FRMD4A: variants seen among roughly 807,000 people sequenced by gnomAD.
FRMD4A encodes the protein FERM domain-containing protein 4A.
Under a neutral mutation model 129.1 loss-of-function variants are expected in FRMD4A, and 29 were observed. That is an observed-to-expected ratio of 0.22 (90% CI 0.17 to 0.31). The LOEUF (loss-of-function observed/expected upper bound fraction) is 0.31. Among genes scored for constraint, FRMD4A ranks in the 10% least tolerant of loss-of-function variants. FRMD4A has a pLI of 1.00. For synonymous variants in FRMD4A, 634 were observed against 571.6 expected, an observed-to-expected ratio of 1.11 and a Z score of -1.56; for missense variants, 1,272 against 1,375.8, an observed-to-expected ratio of 0.92 and a Z score of 1.19.
chr10:14,284,431 G>A (rs961272975), intron 2 of FRMD4A, among the ~76,000 whole-genome samples: 6 of 152,098 alleles, frequency 3.9e-5, no homozygotes, highest in African/African-American at 1.4e-4. Context: ...GATGGATCAC[G>A]AGATCAGGAC....
At chr10:13,776,234 C>T (rs904639908) in intron 6 of FRMD4A, among the ~76,000 whole-genome samples, 2 of 152,168 alleles carry the variant, frequency 1.3e-5, no homozygotes, top group Non-Finnish European at 2.9e-5. Context: ...CCTCAGCCTC[C>T]AGAGAAGCTG....
intron 2 of FRMD4A, among the ~76,000 whole-genome samples, chr10:14,080,790 C>A (rs775436148): frequency 7.9e-5 from 12 of 151,976 alleles, no homozygotes; most frequent in Admixed American, 5.9e-4. Flanking sequence ...ATCTCTATAC[C>A]TCATGGTGCT....
chr10:13,853,057 T>A (rs2094161382), intron 3 of FRMD4A, among the ~76,000 whole-genome samples: 1 of 152,142 alleles, frequency 6.6e-6, no homozygotes, highest in Non-Finnish European at 1.5e-5. Context: ...GTTGTAAATG[T>A]CTTGCCAATG....
intron 2 of FRMD4A, among the ~76,000 whole-genome samples, chr10:14,060,791 T>C (rs778271575): frequency 1.3e-5 from 2 of 152,182 alleles, no homozygotes; most frequent in Admixed American, 6.5e-5. Flanking sequence ...TGGCCACTTA[T>C]ATAGAGAGGA....
At chr10:14,241,422 T>C (rs1844036624) in intron 2 of FRMD4A, among the ~76,000 whole-genome samples, 1 of 152,048 alleles carries the variant, frequency 6.6e-6, no homozygotes, top group Non-Finnish European at 1.5e-5. Context: ...CAGGACAACT[T>C]TGTATTCAGG....
At chr10:13,736,360 A>AG (rs960195796) in intron 12 of FRMD4A, among the ~76,000 whole-genome samples, 4 of 152,150 alleles carry the variant, frequency 2.6e-5, no homozygotes, top group African/African-American at 9.7e-5. Context: ...AGGTAAGAAC[A>AG]GGGGGTCCAA....
intron 3 of FRMD4A, among the ~76,000 whole-genome samples, chr10:13,812,547 T>G (rs959881142): frequency 6.6e-6 from 1 of 152,152 alleles, no homozygotes; most frequent in Non-Finnish European, 1.5e-5. Context: ...GACAGAAAAA[T>G]AAGCAAGGTG....
intron 2 of FRMD4A, among the ~76,000 whole-genome samples, chr10:14,101,726 TAACACAACAC>T (rs59561035): frequency 0.17 from 24,240 of 146,424 alleles, 2,060 homozygotes; most frequent in East Asian, 0.21. Flanking sequence ...GCCTGGCTTC[TAACACAACAC>T]AACACAACAC....
chr10:13,706,779 C>CACAT, intron 13 of FRMD4A, among the ~76,000 whole-genome samples: 1 of 150,678 alleles, frequency 6.6e-6, no homozygotes, highest in Non-Finnish European at 1.5e-5. Context: ...CACACACACA[C>CACAT]GAGCCAGGGA....
intron 8 of FRMD4A, among the ~76,000 whole-genome samples, chr10:13,748,920 GA>G (rs2091428127): frequency 6.6e-6 from 1 of 152,190 alleles, no homozygotes; most frequent in African/African-American, 2.4e-5. Flanking sequence ...ATCCGGTCCT[GA>G]AACCAGAAAT....
intron 2 of FRMD4A, among the ~76,000 whole-genome samples, chr10:14,265,102 C>A (rs887824149): frequency 5.3e-5 from 8 of 152,158 alleles, no homozygotes; most frequent in Non-Finnish European, 8.8e-5. Flanking sequence ...TACTTTTGCC[C>A]ATTAATGGCT....
At chr10:14,067,794 G>A (rs1355852647) in intron 2 of FRMD4A, among the ~76,000 whole-genome samples, 1 of 152,176 alleles carries the variant, frequency 6.6e-6, no homozygotes, top group Non-Finnish European at 1.5e-5. Context: ...TCCAGCCTGG[G>A]TAACAGAGCG....
intron 2 of FRMD4A, among the ~76,000 whole-genome samples, chr10:14,091,860 G>A (rs1417103321): frequency 2.6e-5 from 4 of 152,136 alleles, no homozygotes; most frequent in Non-Finnish European, 5.9e-5. Flanking sequence ...GTATCTTTAA[G>A]TCTCCAACTG....
chr10:14,239,350 G>C (rs578087484), intron 2 of FRMD4A, among the ~76,000 whole-genome samples: 1 of 152,128 alleles, frequency 6.6e-6, no homozygotes, highest in Non-Finnish European at 1.5e-5. Flanking sequence ...AAAGCTGGCC[G>C]GACGCGGTGG....
At chr10:14,109,231 C>A (rs1440878696) in intron 2 of FRMD4A, among the ~76,000 whole-genome samples, 2 of 148,850 alleles carry the variant, frequency 1.3e-5, no homozygotes, top group African/African-American at 4.9e-5. Context: ...AAAAAAGCCT[C>A]CAAAGAAGCT....
chr10:14,311,747 C>G (rs776046356), intron 2 of FRMD4A, among the ~76,000 whole-genome samples: 9 of 152,136 alleles, frequency 5.9e-5, no homozygotes, highest in Non-Finnish European at 1.5e-5. Context: ...CCATCTGTCT[C>G]TCAGAGGTTC....
chr10:13,783,590 C>T (rs2092788437), intron 5 of FRMD4A, among the ~76,000 whole-genome samples: 1 of 151,220 alleles, frequency 6.6e-6, no homozygotes, highest in African/African-American at 2.4e-5. Context: ...CTTTGTTGCT[C>T]AGGCTGGGCT....
At chr10:13,944,480 A>G (rs557721242) in intron 2 of FRMD4A, among the ~76,000 whole-genome samples, 2 of 152,196 alleles carry the variant, frequency 1.3e-5, no homozygotes, top group East Asian at 1.9e-4. Flanking sequence ...ATATATTTCA[A>G]TGTAATAATA....
At chr10:14,256,130 T>C (rs1461945138) in intron 2 of FRMD4A, among the ~76,000 whole-genome samples, 1 of 152,172 alleles carries the variant, frequency 6.6e-6, no homozygotes, top group African/African-American at 2.4e-5. Context: ...TTTATGTTCC[T>C]ATCTACCAGC....
Sources: allele counts gnomAD v4.1 joint callset (sites outside exome capture counted in the v4.1 genomes callset), GRCh38; gene constraint gnomAD v4.1.1; transcripts MANE v1.5; gene names NCBI Gene and HGNC (gene_info 2026-07-23, HGNC 2026-07-21).